Variants in CNBD1 observed in about 807,000 individuals in gnomAD.
CNBD1 encodes the protein cyclic nucleotide binding domain containing 1, also known as cyclic nucleotide-binding domain-containing protein 1.
A neutral mutation model predicts 54.4 loss-of-function variants in CNBD1; 71 were observed. That is an observed-to-expected ratio of 1.30 (90% CI 1.08 to 1.59). The LOEUF (loss-of-function observed/expected upper bound fraction) is 1.59. Among genes scored for constraint, CNBD1 ranks in the 40% most tolerant of loss-of-function variants. CNBD1 has a pLI of 0.00. For synonymous variants in CNBD1, 182 were observed against 170.7 expected, an observed-to-expected ratio of 1.07 and a Z score of -0.51; for missense variants, 659 against 518.0, an observed-to-expected ratio of 1.27 and a Z score of -2.64.
At chr8:86,870,450 G>A (rs1312406691) in intron 1 of CNBD1, among the ~76,000 whole-genome samples, 2 of 151,794 alleles carry the variant, frequency 1.3e-5, no homozygotes, top group Non-Finnish European at 2.9e-5. Flanking sequence ...ACCCGCCTCG[G>A]CCTCTCAAAG....
rs144571030 is a variant in CNBD1 at position 86,920,010 on chromosome 8, G to GA, written c.272+14826dup. On this transcript the variant is annotated intron_variant, in intron 3 of 10. Coordinates refer to ENST00000518476, the MANE Select transcript of CNBD1 (RefSeq NM_173538.3). ...TATGTTTCTTTTTCTTTCAGAATGT[G>GA]AAAAAAAAAAGTCACCAAACTGTAA... Among the ~76,000 whole-genome samples the GA allele has an allele frequency of 1.7e-3, 250 of 147,170 alleles. 1 individual carries two copies. Among genetic ancestry groups the GA allele is most frequent in the South Asian group, 5.4e-3 (25 of 4,644 alleles).
intron 4 of CNBD1, among the ~76,000 whole-genome samples, chr8:86,941,038 C>T (rs1809646578): frequency 6.6e-6 from 1 of 152,192 alleles, no homozygotes; most frequent in Non-Finnish European, 1.5e-5. Context: ...ACAGATTTCT[C>T]AGAATGTATC....
intron 1 of CNBD1, among the ~76,000 whole-genome samples, chr8:86,876,593 T>G (rs1808524376): frequency 6.6e-6 from 1 of 151,860 alleles, no homozygotes; most frequent in Admixed American, 6.6e-5. Context: ...TCCATTTTTC[T>G]TATGTATTTT....
chr8:87,027,697 A>T (rs1460197030), intron 4 of CNBD1, among the ~76,000 whole-genome samples: 2 of 152,246 alleles, frequency 1.3e-5, no homozygotes, highest in Admixed American at 1.3e-4. Context: ...GTATAGCAAC[A>T]TAAAAGCCTA....
At chr8:86,994,004 G>A (rs1331116253) in intron 4 of CNBD1, among the ~76,000 whole-genome samples, 1 of 152,152 alleles carries the variant, frequency 6.6e-6, no homozygotes, top group Admixed American at 6.5e-5. Context: ...CAGGGAGGTA[G>A]GCCACACCTT....
At position 87,421,948 on chromosome 8, in the gene CNBD1, C is replaced by T. The variant is rs1317613854; in HGVS notation, c.214-6598C>T. Among the ~76,000 whole-genome samples the T allele has an allele frequency of 4.9e-3, 726 of 149,502 alleles. 6 individuals are homozygous for T. The highest frequency in any genetic ancestry group is 0.017 in the African/African-American group (684 of 39,664). ...CTCTCCAGCACCTGTTGTTTCCTGA[C>T]TTTTTAATGATCGCCATTCTAACTG... On this transcript the variant is annotated intron_variant, in intron 2 of 7. Transcript: ENST00000521593.
intron 10 of CNBD1, among the ~76,000 whole-genome samples, chr8:87,372,393 C>A (rs72668638): frequency 1.3e-5 from 2 of 151,924 alleles, no homozygotes; most frequent in Non-Finnish European, 2.9e-5. Context: ...TGTTTCCCAT[C>A]AAATGCTAGT....
chr8:87,269,829 C>A (rs1808328225), intron 6 of CNBD1, among the ~76,000 whole-genome samples: 1 of 151,856 alleles, frequency 6.6e-6, no homozygotes, highest in Non-Finnish European at 1.5e-5. Context: ...TGAATTCTAC[C>A]AGACATATAA....
At chr8:87,412,445 CA>C (rs1807762163) in intron 2 of CNBD1, among the ~76,000 whole-genome samples, 1 of 152,048 alleles carries the variant, frequency 6.6e-6, no homozygotes, top group Admixed American at 6.6e-5. Context: ...CTATCATGTG[CA>C]AGTGATTTTA....
chr8:87,357,570 G>A (rs566850063), intron 10 of CNBD1, among the ~76,000 whole-genome samples: 1 of 152,204 alleles, frequency 6.6e-6, no homozygotes, highest in South Asian at 2.1e-4. Context: ...TTTTGGAATG[G>A]GAATGTTTAC....
intron 8 of CNBD1, among the ~76,000 whole-genome samples, chr8:87,340,550 G>C (rs377735531): frequency 3.9e-5 from 6 of 152,138 alleles, no homozygotes; most frequent in African/African-American, 1.4e-4. Flanking sequence ...TGGTCACCTT[G>C]ATGATATCCA....
At position 87,284,794 on chromosome 8, in the gene CNBD1, G is replaced by T. The variant is rs766679485; in HGVS notation, c.888G>T (p.Lys296Asn). The change falls in exon 7 of 11, where the codon AAG (lysine) becomes AAT (asparagine). Residue 296 changes from lysine (K) to asparagine (N), a missense_variant. Transcript: ENST00000518476. Reference sequence around the variant, plus strand: ...GTGAAATTCTTAAAATCCCAGCAAAGGGATATGCAAAGATAAAGGAGGTAA... The same window carrying T: ...GTGAAATTCTTAAAATCCCAGCAAATGGATATGCAAAGATAAAGGAGGTAA... ...DDCEILKIPA[K>N]GYAKIKEEKI... 1 of 1,588,034 alleles carries T rather than the reference G, an allele frequency of 6.3e-7. No homozygotes were observed. Among genetic ancestry groups the T allele is most frequent in the East Asian group, 2.3e-5 (1 of 44,028 alleles).
At chr8:87,071,904 G>A (rs1427310903) in intron 4 of CNBD1, among the ~76,000 whole-genome samples, 1 of 152,088 alleles carries the variant, frequency 6.6e-6, no homozygotes, top group East Asian at 1.9e-4. Context: ...AATATTGTCA[G>A]TGGGGTATTA....
chr8:87,373,247 T>C (rs1810856918), intron 10 of CNBD1, among the ~76,000 whole-genome samples: 1 of 151,834 alleles, frequency 6.6e-6, no homozygotes, highest in African/African-American at 2.4e-5. Flanking sequence ...ATACTTCTAC[T>C]GACCCAATGA....
chr8:87,377,635 C>T (rs1277712730), intron 10 of CNBD1, among the ~76,000 whole-genome samples: 2 of 150,352 alleles, frequency 1.3e-5, no homozygotes, highest in Admixed American at 1.3e-4. Context: ...GTCTTTATAG[C>T]AGCATGATTT....
At chr8:87,312,328 T>C (rs1438246394) in intron 8 of CNBD1, among the ~76,000 whole-genome samples, 1 of 152,104 alleles carries the variant, frequency 6.6e-6, no homozygotes, top group African/African-American at 2.4e-5. Context: ...TATGCACACA[T>C]TCTCTATTCT....
chr8:87,102,033 C>T (rs1339837540), intron 4 of CNBD1, among the ~76,000 whole-genome samples: 5 of 151,702 alleles, frequency 3.3e-5, no homozygotes, highest in Non-Finnish European at 7.4e-5. Flanking sequence ...GGATTATAGG[C>T]GCCCGCCACC....
chr8:87,395,901 T>C (rs112830027), intron 2 of CNBD1, among the ~76,000 whole-genome samples: 2,871 of 151,968 alleles, frequency 0.019, 92 homozygotes, highest in African/African-American at 0.063. Flanking sequence ...GGGGCTTTTC[T>C]CCTCCTTCGC....
intron 8 of CNBD1, among the ~76,000 whole-genome samples, chr8:87,344,263 A>G (rs1264255515): frequency 1.3e-5 from 2 of 152,208 alleles, no homozygotes; most frequent in South Asian, 2.1e-4. Context: ...CAGTGGTTCT[A>G]TATACAAAAT....
Sources: gnomAD v4.1 joint callset for allele counts (sites outside exome capture counted in the v4.1 genomes callset) on GRCh38, gnomAD v4.1.1 for gene constraint, MANE v1.5 for transcripts, NCBI Gene and HGNC (gene_info 2026-07-23, HGNC 2026-07-21) for gene names.